FUCA1: variants seen among roughly 807,000 people sequenced by gnomAD.
FUCA1 encodes the protein tissue alpha-L-fucosidase.
Under a neutral mutation model 56.8 loss-of-function variants are expected in FUCA1, and 52 were observed. The observed-to-expected ratio is 0.92, with a 90% confidence interval of 0.73 to 1.15. The LOEUF (loss-of-function observed/expected upper bound fraction) is 1.15. Among genes scored for constraint, FUCA1 ranks in the 50% most tolerant of loss-of-function variants. The pLI is 0.00. For synonymous variants in FUCA1, 230 were observed against 226.6 expected (o/e 1.02, Z -0.14); for missense variants, 568 against 592.6 (o/e 0.96, Z 0.43).
chr1:23,853,665 G>C (rs6664538), intron 5 of FUCA1, among the ~76,000 whole-genome samples: 1 of 139,002 alleles, frequency 7.2e-6, no homozygotes, highest in African/African-American at 2.7e-5. Context: ...GATGGTTGCC[G>C]TGTCTGTGTA....
At position 23,854,754 on chromosome 1, in the gene FUCA1, T is replaced by C. The variant is rs147782089; in HGVS notation, c.769-194A>G. On this transcript the variant is annotated intron_variant, in intron 4 of 7. Coordinates refer to ENST00000374479, the MANE Select transcript of FUCA1 (RefSeq NM_000147.5). ...TTTTTGATTGTCACAACGGGGGTGG[T>C]ATGCCATCTAGTGGGTAGAGACCAG... 3.6e-3 allele frequency among the ~76,000 whole-genome samples: 549 copies of C among 152,236 alleles called. 5 individuals carry two copies. The highest frequency in any genetic ancestry group is 0.012 in the African/African-American group (481 of 41,530).
chr1:23,852,621 G>A (rs1639287635), intron 5 of FUCA1, among the ~76,000 whole-genome samples: 1 of 152,088 alleles, frequency 6.6e-6, no homozygotes, highest in Admixed American at 6.6e-5. Flanking sequence ...GATTGCAGGT[G>A]CGCGCCACCA....
intron 6 of FUCA1, among the ~76,000 whole-genome samples, chr1:23,846,579 A>AT (rs916345428): frequency 2.4e-4 from 34 of 140,556 alleles, no homozygotes; most frequent in East Asian, 1.7e-3. Context: ...CTCCTTATTT[A>AT]TTTTTTTTTT....
rs1639112869 is a variant in FUCA1, at chr1:23,845,259, TC to T, written c.*455del. Reference sequence around the variant, plus strand: ...TAGCAGCCTGGTAAGCCTTTTCCTTTCCCCCAAAGCTCTCCTGCCCTTTGCA... The same window carrying T: ...TAGCAGCCTGGTAAGCCTTTTCCTTTCCCCAAAGCTCTCCTGCCCTTTGCA... On this transcript the variant is annotated 3_prime_UTR_variant, in exon 8 of 8. Transcript: ENST00000374479. 4.4e-6 allele frequency: 1 copy of T among 225,128 alleles called. No homozygotes were observed. The highest frequency in any genetic ancestry group is 8.9e-6 in the Non-Finnish European group (1 of 112,666). 13.9% of individuals were successfully genotyped at this position (225,128 alleles called of 1,614,324 possible).
At position 23,867,486 on chromosome 1, in the gene FUCA1, T is replaced by A. The variant is rs1639648557; in HGVS notation, c.389+412A>T. Among the ~76,000 whole-genome samples, 1 of 152,170 alleles carries A rather than the reference T, an allele frequency of 6.6e-6. No homozygotes were observed. The highest frequency in any genetic ancestry group is 2.4e-5 in the African/African-American group (1 of 41,444). ...GTTGTATCCTTATATAACCCCTTTC[T>A]ACAACCATAGAAGAGGCTGCAGGGA... is the stretch of plus-strand genomic sequence containing the variant. On this transcript the variant is annotated intron_variant, in intron 1 of 7. Coordinates refer to ENST00000374479, the MANE Select transcript of FUCA1 (RefSeq NM_000147.5). The surrounding 1 kb of genome is among the most constrained non-coding windows in gnomAD (Gnocchi z 4.9).
intron 4 of FUCA1, 140 bp from the exon 5 acceptor site, chr1:23,854,700 G>T: frequency 1.4e-6 from 1 of 739,040 alleles, no homozygotes; most frequent in Non-Finnish European, 2.4e-6. Flanking sequence ...TTTTGCTCTG[G>T]AGGGGACATT....
rs1639196117 is a variant in FUCA1 at position 23,848,767 on chromosome 1, C to A, written c.1042G>T (p.Val348Phe). 1 of 1,614,074 alleles carries A rather than the reference C, an allele frequency of 6.2e-7. No homozygotes were observed. Among genetic ancestry groups the A allele is most frequent in the African/African-American group, 1.3e-5 (1 of 75,064 alleles). The change falls in exon 6 of 8, where the codon GTT becomes TTT. Residue 348 changes from valine to phenylalanine, a missense_variant. Val to Phe is a conservative substitution (Grantham distance 50). Coordinates refer to ENST00000374479, the MANE Select transcript of FUCA1 (RefSeq NM_000147.5). ...NIGPTKDGLI[V>F]PIFQERLLAV... ...AGAAGCCTTTCTTGGAAGATGGGAA[C>A]AATCAGTCCATCTTTAGTTGGTCCA...
chr1:23,851,381 T>A (rs61779508), intron 5 of FUCA1, among the ~76,000 whole-genome samples: 2 of 113,320 alleles, frequency 1.8e-5, no homozygotes, highest in African/African-American at 6.5e-5. Flanking sequence ...TAAATAAATA[T>A]ACACATACAT....
intron 4 of FUCA1, 118 bp downstream of exon 4, chr1:23,859,680 C>T: frequency 1.4e-6 from 1 of 702,222 alleles, no homozygotes; most frequent in Non-Finnish European, 2.6e-6. Context: ...GTCCCTACTG[C>T]CCCCATGTTG....
At chr1:23,855,881 C>T (rs1002190669) in intron 4 of FUCA1, among the ~76,000 whole-genome samples, 1 of 152,172 alleles carries the variant, frequency 6.6e-6, no homozygotes, top group African/African-American at 2.4e-5. Context: ...CAACAACTAC[C>T]ATGGGGCTCA....
intron 7 of FUCA1, 73 bp downstream of exon 7, chr1:23,846,001 G>A: frequency 1.3e-6 from 2 of 1,508,480 alleles, no homozygotes; most frequent in Non-Finnish European, 1.8e-6. Context: ...AACCTGGCAG[G>A]GAAGGAAGAA....
chr1:23,845,737 A>G lies in FUCA1; in HGVS notation c.1379T>C (p.Ile460Thr). ...TGATTACTTCACTCCTGTCAGCTTT[A>G]TAGTCCAAGCAAACTCTGCGGGGAC... is the stretch of plus-strand genomic sequence containing the variant. Reference protein sequence around the residue: ...SAVPAEFAWTIKLTGVK With the variant: ...SAVPAEFAWTTKLTGVK The change falls in exon 8 of 8, where the codon ATA becomes ACA. Residue 460 changes from isoleucine (I) to threonine (T), a missense_variant. Coordinates refer to ENST00000374479, the MANE Select transcript of FUCA1 (RefSeq NM_000147.5). The G allele has an allele frequency of 6.2e-7, 1 of 1,614,244 alleles. No homozygotes were observed. The highest frequency in any genetic ancestry group is 1.1e-5 in the South Asian group (1 of 91,092).
At position 23,868,245 on chromosome 1, in the gene FUCA1, C is replaced by G; in HGVS notation, c.42G>C (p.Ala14=). 1 of 1,559,546 alleles carries G rather than the reference C, an allele frequency of 6.4e-7. No homozygotes were observed. Among genetic ancestry groups the G allele is most frequent in the Non-Finnish European group, 8.7e-7 (1 of 1,153,224 alleles). ...CGAGGAAGAGCAGCAGCAGCAACAG[C>G]GCGGGACCCGCCGGCCGCGACCTCA... is the stretch of plus-strand genomic sequence containing the variant. ...PGMRSRPAGP[A]LLLLLLFLGA... is the part of the protein sequence containing the mutation. Residue 14 remains alanine (A), a synonymous_variant, in exon 1 of 8, where the codon GCG becomes GCC. Transcript: ENST00000374479.
chr1:23,863,381 A>G, intron 2 of FUCA1, 110 bp from the exon 3 acceptor site: 1 of 1,053,522 alleles, frequency 9.5e-7, no homozygotes, highest in Non-Finnish European at 1.4e-6. Context: ...CACTCATAAG[A>G]GCATATAGAG....
At chr1:23,848,413 T>C (rs1250921514) in intron 6 of FUCA1, among the ~76,000 whole-genome samples, 3 of 152,194 alleles carry the variant, frequency 2.0e-5, no homozygotes, top group Admixed American at 6.5e-5. Context: ...ATAAATTGAC[T>C]GATGCTTTGT....
rs753232669 is a variant in FUCA1, at chr1:23,865,593, C to G, written c.422G>C (p.Gly141Ala). The G allele has an allele frequency of 1.8e-5, 29 of 1,614,102 alleles. No individual in the cohort carries two copies. The highest frequency in any genetic ancestry group is 2.2e-5 in the Non-Finnish European group (26 of 1,180,046). ...CACAGGACTCGGCCAGTTTGTGAAG[C>G]CTTCGTGATGCTTTGTCGTCAAAAC... Reference protein sequence around the residue: ...YVVLTTKHHEGFTNWPSPVSW... With the variant: ...YVVLTTKHHEAFTNWPSPVSW... The change falls in exon 2 of 8, where the codon GGC becomes GCC. Residue 141 changes from glycine (G) to alanine (A), a missense_variant. By Grantham distance (60) the Gly-to-Ala change is moderately conservative. Transcript: ENST00000374479.
chr1:23,848,556 C>A, intron 6 of FUCA1, 93 bp downstream of exon 6: 1 of 1,274,556 alleles, frequency 7.8e-7, no homozygotes, highest in South Asian at 1.2e-5. Context: ...AAGGCAACTT[C>A]CAGCCTGGCT....
In FUCA1 at chr1:23,848,691, T is replaced by G. The variant is rs765338950; in HGVS notation, c.1118A>C (p.Lys373Thr). 6.2e-7 allele frequency: 1 copy of G among 1,614,200 alleles called. No individual in the cohort carries two copies. Among genetic ancestry groups the G allele is most frequent in the South Asian group, 1.1e-5 (1 of 91,088 alleles). ...SINGEAIYAS[K>T]PWRVQWEKNT... ...CTTTTCCCATTGCACCCGCCATGGT[T>G]TGGAGGCATAGATAGCCTCCCCATT... Residue 373 changes from lysine to threonine, a missense_variant, in exon 6 of 8, where the codon AAA becomes ACA. Physicochemically the swap from Lys to Thr is moderately conservative, Grantham distance 78 (BLOSUM62 -1). Transcript: ENST00000374479.
chr1:23,862,834 C>G (rs925122612), intron 3 of FUCA1, among the ~76,000 whole-genome samples: 1 of 152,208 alleles, frequency 6.6e-6, no homozygotes, highest in Non-Finnish European at 1.5e-5. Context: ...AAACCACCCC[C>G]TCTCCAGGGT....
Sources: gnomAD v4.1 joint callset for allele counts (sites outside exome capture counted in the v4.1 genomes callset) on GRCh38, gnomAD v4.1.1 for gene constraint, Gnocchi (gnomAD v3.1) non-coding constraint, MANE v1.5 for transcripts, NCBI Gene and HGNC (gene_info 2026-07-23, HGNC 2026-07-21) for gene names.